AURKA: variants seen among roughly 807,000 people sequenced by gnomAD.
AURKA encodes aurora 2.
AURKA carries 12 observed loss-of-function variants against 40.9 expected under a neutral mutation model. The ratio of observed to expected loss-of-function variants is 0.29; its 90% CI spans 0.19 to 0.48. The LOEUF is 0.48. Ranked by LOEUF, AURKA falls within the 20% of genes least tolerant of loss-of-function variation. AURKA has a pLI of 0.99. For synonymous variants in AURKA, 170 were observed against 164.3 expected (o/e 1.03, Z -0.26); for missense variants, 322 against 462.1 (o/e 0.70, Z 2.78).
In AURKA at chr20:56,370,345, A is replaced by G. The variant is rs770090086; in HGVS notation, c.1030-5T>C. The G allele has an allele frequency of 6.2e-7, 1 of 1,614,216 alleles. No homozygotes were observed. The highest frequency in any genetic ancestry group is 1.1e-5 in the South Asian group (1 of 91,078). On this transcript the variant is annotated splice_polypyrimidine_tract_variant and splice_region_variant and intron_variant, in intron 8 of 8. Coordinates refer to ENST00000395915, the MANE Select transcript of AURKA (RefSeq NM_198437.3). ...GTCAGGGAATGTGAATTCAACCTGG[A>G]GTACAACAAATGATAAAATATCACA...
intron 1 of AURKA, 47 bp from the exon 2 acceptor site, chr20:56,388,249 T>G: frequency 9.4e-7 from 1 of 1,066,918 alleles, no homozygotes. Context: ...GCCACCTGCT[T>G]AAAGTGCTGT....
chr20:56,373,296 C>T lies in AURKA; in HGVS notation c.854+112G>A. 1 of 1,466,074 alleles carries T rather than the reference C, an allele frequency of 6.8e-7. No individual in the cohort carries two copies. Among genetic ancestry groups the T allele is most frequent in the Non-Finnish European group, 9.5e-7 (1 of 1,050,826 alleles). 90.8% of individuals were successfully genotyped at this position (1,466,074 alleles called of 1,614,324 possible). A position where few individuals can be genotyped will look rare whatever the true frequency, so the allele number is the denominator to read the frequency against. Reference sequence around the variant, plus strand: ...TACTCCAAAGTACTTCTGGGTTAGCCACCTACCCCTCTTACAGCACAAAAT... The same window carrying T: ...TACTCCAAAGTACTTCTGGGTTAGCTACCTACCCCTCTTACAGCACAAAAT... On this transcript the variant is annotated intron_variant, in intron 7 of 8. Transcript: ENST00000395915. The surrounding 1 kb of genome is among the most constrained non-coding windows in gnomAD (Gnocchi z 5.0).
chr20:56,374,939 T>C (rs867668967), intron 6 of AURKA, among the ~76,000 whole-genome samples: 1 of 152,134 alleles, frequency 6.6e-6, no homozygotes. Flanking sequence ...TCGCAGCTAC[T>C]CGGGAGGCTG....
intron 1 of AURKA, chr20:56,388,697 A>C (rs1192827804): frequency 5.8e-6 from 1 of 173,174 alleles, no homozygotes; most frequent in Non-Finnish European, 1.3e-5. Context: ...CTGTAATCCC[A>C]GCTACTCGGG....
At chr20:56,388,584 G>A in intron 1 of AURKA, 1 of 250,680 alleles carries the variant, frequency 4.0e-6, no homozygotes. Context: ...GGCCGAGGTG[G>A]GCGGATCACC....
At chr20:56,382,218 C>A (rs1985807563) in intron 5 of AURKA, among the ~76,000 whole-genome samples, 1 of 151,990 alleles carries the variant, frequency 6.6e-6, no homozygotes, top group South Asian at 2.1e-4. Flanking sequence ...AGTTTGACAC[C>A]CAGACACTGT....
At chr20:56,384,936 G>A (rs1434757015) in intron 3 of AURKA, among the ~76,000 whole-genome samples, 1 of 152,074 alleles carries the variant, frequency 6.6e-6, no homozygotes, top group Non-Finnish European at 1.5e-5. Flanking sequence ...TAGCAAACTC[G>A]AACAGCACAC....
intron 6 of AURKA, among the ~76,000 whole-genome samples, chr20:56,378,527 CCTAT>C: frequency 6.6e-6 from 1 of 152,158 alleles, no homozygotes; most frequent in South Asian, 2.1e-4. Context: ...CAATAGCACT[CCTAT>C]ATATGTGCCC....
intron 5 of AURKA, among the ~76,000 whole-genome samples, chr20:56,382,342 G>A (rs534956459): frequency 1.3e-5 from 2 of 152,280 alleles, no homozygotes; most frequent in African/African-American, 2.4e-5. Flanking sequence ...CATGTGAGAT[G>A]CCTGCCCCTC....
intron 6 of AURKA, among the ~76,000 whole-genome samples, chr20:56,374,433 T>C (rs1411839123): frequency 1.3e-5 from 2 of 152,152 alleles, no homozygotes; most frequent in African/African-American, 4.8e-5. Flanking sequence ...AGCTAAAAAT[T>C]TACTTCAAGA....
At chr20:56,385,806 A>G (rs1986288271) in intron 3 of AURKA, among the ~76,000 whole-genome samples, 1 of 152,148 alleles carries the variant, frequency 6.6e-6, no homozygotes, top group South Asian at 2.1e-4. Flanking sequence ...TCTGAGTTCA[A>G]AAAAGCTTCA....
At chr20:56,382,245 G>C (rs2030250901) in intron 5 of AURKA, among the ~76,000 whole-genome samples, 1 of 152,124 alleles carries the variant, frequency 6.6e-6, no homozygotes, top group African/African-American at 2.4e-5. Context: ...TAAAAGCAGT[G>C]ATCAGTAATG....
At chr20:56,388,444 C>T in intron 1 of AURKA, 1 of 564,934 alleles carries the variant, frequency 1.8e-6, no homozygotes, top group Admixed American at 3.1e-5. Context: ...GATGGTCTTG[C>T]TGCTCCATCA....
chr20:56,388,386 T>C, intron 1 of AURKA, 184 bp from the exon 2 acceptor site: 1 of 631,866 alleles, frequency 1.6e-6, no homozygotes, highest in Non-Finnish European at 2.8e-6. Flanking sequence ...AAGGCCAACC[T>C]CCCCTTGGGC....
intron 6 of AURKA, among the ~76,000 whole-genome samples, chr20:56,377,884 A>T (rs1374423441): frequency 6.6e-6 from 1 of 152,234 alleles, no homozygotes; most frequent in Non-Finnish European, 1.5e-5. Context: ...CTAAAATGCA[A>T]AACAAGAGGC....
Position 56,369,690 on chromosome 20 carries a change from A to T in AURKA, c.*468T>A. 2 of 338,642 alleles carry T rather than the reference A, an allele frequency of 5.9e-6. No homozygotes were observed. The highest frequency in any genetic ancestry group is 1.0e-4 in the South Asian group (2 of 19,936). 21.0% of individuals were successfully genotyped at this position (338,642 alleles called of 1,614,324 possible). On this transcript the variant is annotated 3_prime_UTR_variant, in exon 9 of 9. Coordinates refer to ENST00000395915, the MANE Select transcript of AURKA (RefSeq NM_198437.3). ...TCTGTACATATATCTTTATTTTCAT[A>T]CTTAAAAAGAATCACATACTCATTC...
intron 7 of AURKA, among the ~76,000 whole-genome samples, chr20:56,371,196 C>T (rs370797903): frequency 3.3e-5 from 5 of 152,262 alleles, no homozygotes; most frequent in African/African-American, 7.2e-5. Flanking sequence ...GGTGCAGTGG[C>T]TCATGCCTGT....
intron 4 of AURKA, 135 bp downstream of exon 4, chr20:56,384,135 A>T: frequency 1.6e-6 from 1 of 625,314 alleles, no homozygotes; most frequent in Non-Finnish European, 2.7e-6. Flanking sequence ...TAAGATTGGA[A>T]ATCTGGAAAC....
In AURKA at chr20:56,382,978, A is replaced by G. The variant is rs1231885823; in HGVS notation, c.566+7T>C. The G allele has an allele frequency of 3.7e-6, 6 of 1,613,236 alleles. No homozygotes were observed. The highest frequency in any genetic ancestry group is 5.1e-6 in the Non-Finnish European group (6 of 1,179,982). ...ACATTCTTTTGAACATGAACCTGAA[A>G]ACTCACCGAAGGTGGGACTGTATTT... On this transcript the variant is annotated splice_region_variant and intron_variant, in intron 5 of 8. Transcript: ENST00000395915.
Sources: allele counts gnomAD v4.1 joint callset (sites outside exome capture counted in the v4.1 genomes callset), GRCh38; gene constraint gnomAD v4.1.1; non-coding constraint Gnocchi (gnomAD v3.1); transcripts MANE v1.5; gene names NCBI Gene and HGNC (gene_info 2026-07-23, HGNC 2026-07-21).